The following GMDS variants were observed in gnomAD, a reference collection of about 807,000 sequenced individuals.
The protein encoded by GMDS is GDP-mannose 4,6-dehydratase.
In GMDS, 20 loss-of-function variants were observed where a neutral mutation model predicts 49.9. The ratio of observed to expected loss-of-function variants is 0.40; its 90% CI spans 0.28 to 0.58. GMDS has a LOEUF of 0.58. Among genes scored for constraint, GMDS ranks in the 20% least tolerant of loss-of-function variants. The pLI, the probability that GMDS is intolerant of heterozygous loss-of-function variation, is 0.42. For synonymous variants in GMDS, 177 were observed against 178.6 expected (o/e 0.99, Z 0.07); for missense variants, 362 against 481.4 (o/e 0.75, Z 2.32).
At chr6:1,907,824 G>A (rs949869139) in intron 7 of GMDS, among the ~76,000 whole-genome samples, 3 of 152,132 alleles carry the variant, frequency 2.0e-5, no homozygotes, top group African/African-American at 7.2e-5. Flanking sequence ...GCCAATAAAT[G>A]AACTATACAG....
At chr6:2,121,541 T>C (rs1428684979) in intron 2 of GMDS, among the ~76,000 whole-genome samples, 4 of 152,204 alleles carry the variant, frequency 2.6e-5, no homozygotes, top group African/African-American at 9.7e-5. Flanking sequence ...CATGATCAGA[T>C]GTGTGGATTT....
chr6:2,144,853 C>T (rs747990613), intron 1 of GMDS, among the ~76,000 whole-genome samples: 1 of 152,140 alleles, frequency 6.6e-6, no homozygotes, highest in Non-Finnish European at 1.5e-5. Flanking sequence ...GTAGGAGACA[C>T]AATGAAGGCC....
intron 8 of GMDS, among the ~76,000 whole-genome samples, chr6:1,740,556 C>CAA (rs557749479): frequency 2.1e-4 from 14 of 66,588 alleles, no homozygotes; most frequent in African/African-American, 5.4e-4. Flanking sequence ...GACTCCGTCT[C>CAA]AAAAAAAAAA....
At chr6:2,178,746 A>G (rs1379701477) in intron 1 of GMDS, among the ~76,000 whole-genome samples, 1 of 152,272 alleles carries the variant, frequency 6.6e-6, no homozygotes, top group Non-Finnish European at 1.5e-5. Context: ...CAAGAAACAT[A>G]GCTGGCATTA....
At position 1,778,647 on chromosome 6, in the gene GMDS, C is replaced by T. The variant is rs1204618504; in HGVS notation, c.772-36061G>A. Among the ~76,000 whole-genome samples, 7 of 152,136 alleles carry T rather than the reference C, an allele frequency of 4.6e-5. No individual in the cohort carries two copies. Among genetic ancestry groups the T allele is most frequent in the Admixed American group, 4.6e-4 (7 of 15,282 alleles). On this transcript the variant is annotated intron_variant, in intron 7 of 10. Transcript: ENST00000380815. The surrounding 1 kb of genome is among the most constrained non-coding windows in gnomAD (Gnocchi z 4.6). ...GGCCCTCCATTAATTTTCACTATAA[C>T]CTCTGAAGGCCTAGACTTGCCCCAA...
At chr6:2,227,044 G>A (rs553728978) in intron 1 of GMDS, among the ~76,000 whole-genome samples, 2 of 152,310 alleles carry the variant, frequency 1.3e-5, no homozygotes, top group Admixed American at 6.5e-5. Context: ...AATGCAGGCA[G>A]TAATTACTTC....
intron 7 of GMDS, among the ~76,000 whole-genome samples, chr6:1,784,410 A>AAAAG (rs1561802962): frequency 6.6e-6 from 1 of 151,486 alleles, no homozygotes; most frequent in East Asian, 1.9e-4. Context: ...AAAAAAAAAA[A>AAAAG]AAAAGAAAAT....
At chr6:1,667,576 T>C (rs1317916878) in intron 9 of GMDS, among the ~76,000 whole-genome samples, 3 of 152,174 alleles carry the variant, frequency 2.0e-5, no homozygotes, top group African/African-American at 7.2e-5. Flanking sequence ...TCTGGGGCTT[T>C]ATAAAACCAT....
At chr6:2,116,744 A>C (rs1202963431) in intron 3 of GMDS, among the ~76,000 whole-genome samples, 1 of 152,150 alleles carries the variant, frequency 6.6e-6, no homozygotes, top group Admixed American at 6.5e-5. Flanking sequence ...TGGCTGGAAA[A>C]ACTGGCCACA....
chr6:2,212,128 C>T (rs1014077640), intron 1 of GMDS, among the ~76,000 whole-genome samples: 1 of 152,008 alleles, frequency 6.6e-6, no homozygotes. Flanking sequence ...ATTAAGAAGC[C>T]AAGTAGATGT....
chr6:1,780,219 T>C (rs1221093429), intron 7 of GMDS, among the ~76,000 whole-genome samples: 1 of 152,254 alleles, frequency 6.6e-6, no homozygotes, highest in African/African-American at 2.4e-5. Flanking sequence ...GTTTTCTAAA[T>C]AATGATTTCT....
chr6:1,974,467 A>G (rs1764784653), intron 4 of GMDS, among the ~76,000 whole-genome samples: 1 of 152,200 alleles, frequency 6.6e-6, no homozygotes, highest in South Asian at 2.1e-4. Flanking sequence ...AAGTAGGCAC[A>G]GGAGGGATGC....
intron 7 of GMDS, among the ~76,000 whole-genome samples, chr6:1,832,128 G>A (rs1756675759): frequency 6.6e-6 from 1 of 151,838 alleles, no homozygotes; most frequent in Non-Finnish European, 1.5e-5. Context: ...GCCAAGGTGG[G>A]AGGATCACTT....
intron 6 of GMDS, among the ~76,000 whole-genome samples, chr6:1,938,021 A>T (rs1283919348): frequency 6.6e-6 from 1 of 152,168 alleles, no homozygotes; most frequent in African/African-American, 2.4e-5. Flanking sequence ...AAAGAAAAAA[A>T]AAGGGGGATA....
intron 9 of GMDS, among the ~76,000 whole-genome samples, chr6:1,720,631 G>A (rs1375287833): frequency 6.6e-6 from 1 of 152,188 alleles, no homozygotes; most frequent in Non-Finnish European, 1.5e-5. Flanking sequence ...AAAATGGGAA[G>A]GGACCTTACA....
chr6:2,239,329 CAA>C (rs60419938), intron 1 of GMDS, among the ~76,000 whole-genome samples: 22 of 101,018 alleles, frequency 2.2e-4, no homozygotes, highest in Admixed American at 3.3e-4. Context: ...AGATCTGTCT[CAA>C]AAAAAAAAAA....
intron 9 of GMDS, among the ~76,000 whole-genome samples, chr6:1,663,186 G>A (rs56390313): frequency 0.13 from 19,544 of 152,200 alleles, 1,685 homozygotes; most frequent in Non-Finnish European, 0.18. Flanking sequence ...AACATGCACT[G>A]ATAAGGAAAG....
intron 7 of GMDS, among the ~76,000 whole-genome samples, chr6:1,843,459 T>C (rs1757236214): frequency 6.6e-6 from 1 of 152,178 alleles, no homozygotes; most frequent in African/African-American, 2.4e-5. Flanking sequence ...CAGAGCCCTA[T>C]AGGGTCTCTC....
intron 7 of GMDS, among the ~76,000 whole-genome samples, chr6:1,816,936 G>T (rs1770695606): frequency 6.6e-6 from 1 of 151,392 alleles, no homozygotes; most frequent in Admixed American, 6.6e-5. Context: ...AGGTCTGGGT[G>T]GGGTTGTCAC....
Sources: allele counts gnomAD v4.1 joint callset (sites outside exome capture counted in the v4.1 genomes callset), GRCh38; gene constraint gnomAD v4.1.1; non-coding constraint Gnocchi (gnomAD v3.1); transcripts MANE v1.5; gene names NCBI Gene and HGNC (gene_info 2026-07-23, HGNC 2026-07-21).